Variants in KLK12 observed in about 807,000 individuals in gnomAD.
The protein encoded by KLK12 is kallikrein-12.
KLK12 carries 23 observed loss-of-function variants against 20.0 expected under a neutral mutation model. The observed-to-expected ratio is 1.15, with a 90% confidence interval of 0.83 to 1.63. The LOEUF (loss-of-function observed/expected upper bound fraction) is 1.63, where lower values mean the gene tolerates loss of function less well. Ranked by LOEUF, KLK12 falls within the 40% of genes most tolerant of loss-of-function variation. KLK12 has a pLI of 0.00. For synonymous variants in KLK12, 147 were observed against 141.9 expected, an observed-to-expected ratio of 1.04 and a Z score of -0.25; for missense variants, 351 against 338.6, an observed-to-expected ratio of 1.04 and a Z score of -0.29.
Position 51,034,023 on chromosome 19 carries a change from T to A in KLK12, c.154A>T (p.Ile52Phe), listed in dbSNP as rs1381506767. The change falls in exon 3 of 6, where the codon ATT becomes TTT. Residue 52 changes from isoleucine (I) to phenylalanine (F), a missense_variant. Physicochemically the swap from Ile to Phe is conservative, Grantham distance 21. Transcript: ENST00000684732. ...GTSLRCGGVL[I>F]DHRWVLTAAH... ...GCTGTGAGGACCCACCTGTGGTCAA[T>A]AAGGACACCCCCGCAGCGCAGGCTG... 2 of 1,609,952 alleles carry A rather than the reference T, an allele frequency of 1.2e-6. No individual in the cohort carries two copies. The highest frequency in any genetic ancestry group is 3.4e-5 in the Admixed American group (2 of 59,488).
In KLK12 at chr19:51,030,941, G is replaced by A. The variant is rs1342183698; in HGVS notation, c.458-20C>T. 2.5e-6 allele frequency: 4 copies of A among 1,613,844 alleles called. No homozygotes were observed. The highest frequency in any genetic ancestry group is 3.4e-6 in the Non-Finnish European group (4 of 1,179,956). On this transcript the variant is annotated intron_variant, in intron 4 of 5. Coordinates refer to ENST00000684732, the MANE Select transcript of KLK12 (RefSeq NM_001370125.1). ...ATGGGTCTGGAGAGAGAACATGCGT[G>A]CTGCAGGGTCCCCTAAATCTCCCCA...
rs940515025 is a variant in KLK12 at position 51,032,064 on chromosome 19, C to T, written c.269G>A (p.Gly90Asp). The change falls in exon 4 of 6, where the codon GGC becomes GAC. Residue 90 changes from glycine to aspartate, a missense_variant. Coordinates refer to ENST00000684732, the MANE Select transcript of KLK12 (RefSeq NM_001370125.1). ...GTAGCCGGGATGGGTCACAGAGAAG[C>T]CGCTGTGCCGGATCTGCTCGGTCCA... ...LDWTEQIRHSGFSVTHPGYLG... is the reference protein window; with the variant it reads ...LDWTEQIRHSDFSVTHPGYLG... The T allele has an allele frequency of 1.2e-6, 2 of 1,604,088 alleles. No homozygotes were observed. The highest frequency in any genetic ancestry group is 1.7e-6 in the Non-Finnish European group (2 of 1,177,240).
chr19:51,029,778 C>A (rs578141559), intron 5 of KLK12, among the ~76,000 whole-genome samples: 1 of 151,432 alleles, frequency 6.6e-6, no homozygotes, highest in South Asian at 2.1e-4. Flanking sequence ...GCTGTCAAGA[C>A]AACATAAAGA....
intron 5 of KLK12, among the ~76,000 whole-genome samples, 195 bp from the exon 6 acceptor site, chr19:51,029,652 T>C (rs1007714763): frequency 2.0e-5 from 3 of 152,228 alleles, no homozygotes; most frequent in African/African-American, 7.2e-5. Context: ...TAGGGGCCAA[T>C]CCCAGGGAAG....
Position 51,034,660 on chromosome 19 carries a change from T to C in KLK12, c.-19-20A>G, listed in dbSNP as rs942535597. 2.5e-6 allele frequency: 4 copies of C among 1,599,436 alleles called. No homozygotes were observed. Among genetic ancestry groups the C allele is most frequent in the Non-Finnish European group, 3.4e-6 (4 of 1,172,516 alleles). On this transcript the variant is annotated intron_variant, in intron 1 of 5. Coordinates refer to ENST00000684732, the MANE Select transcript of KLK12 (RefSeq NM_001370125.1). The stretch of plus-strand genomic sequence containing the variant: ...CAAAGTCTGGGGGAAAAGGGGAATC[T>C]CAGAGGTCACCCTTTCCCTGTGCCC...
At chr19:51,029,512 C>T (rs2091530467) in intron 5 of KLK12, 55 bp from the exon 6 acceptor site, 1 of 1,436,134 alleles carries the variant, frequency 7.0e-7, no homozygotes, top group East Asian at 2.3e-5. Flanking sequence ...TTTCTGTTTT[C>T]CTCCCCAACC....
At chr19:51,030,223 T>TTCC (rs1039293232) in intron 5 of KLK12, 3 of 98,524 alleles carry the variant, frequency 3.0e-5, no homozygotes, top group African/African-American at 1.1e-4. Flanking sequence ...CTCTGTTCCC[T>TTCC]TCCTCCCTCT....
chr19:51,034,601 CA>C lies in KLK12; in HGVS notation c.20del (p.Leu7CysfsTer87). On this transcript the variant is annotated frameshift_variant, in exon 2 of 6. Coordinates refer to ENST00000684732, the MANE Select transcript of KLK12 (RefSeq NM_001370125.1). LOFTEE classifies it high-confidence loss of function. MGLSIFLLLCVLGLSQA... is the reference protein window; with the variant it reads MGLSIFXLLCVLGLSQA... ...AGAACTCACCAAGAACACACAGGAG[CA>C]AAAAGATGCTGAGCCCCATGGTGGG... 1 of 1,611,698 alleles carries C rather than the reference CA, an allele frequency of 6.2e-7. No individual in the cohort carries two copies. Among genetic ancestry groups the C allele is most frequent in the Non-Finnish European group, 8.5e-7 (1 of 1,179,126 alleles).
intron 3 of KLK12, among the ~76,000 whole-genome samples, chr19:51,032,630 G>A (rs564693789): frequency 6.6e-5 from 10 of 151,764 alleles, no homozygotes; most frequent in Non-Finnish European, 8.8e-5. Context: ...CAAGTGATCC[G>A]CCCGCCTCGG....
At chr19:51,032,171 G>T (rs1045057025) in intron 3 of KLK12, 36 bp from the exon 4 acceptor site, 10 of 1,562,770 alleles carry the variant, frequency 6.4e-6, no homozygotes, top group African/African-American at 1.4e-5. Flanking sequence ...TGGCAGGCAC[G>T]CAGTCCCCCA....
chr19:51,034,980 T>C lies in KLK12; in HGVS notation c.-194A>G. 8.6e-7 allele frequency: 1 copy of C among 1,169,418 alleles called. No homozygotes were observed. The highest frequency in any genetic ancestry group is 1.1e-6 in the Non-Finnish European group (1 of 939,268). The allele number at this position is 1,169,418 out of a possible 1,614,324, so 72.4% of individuals were successfully genotyped here. On this transcript the variant is annotated 5_prime_UTR_variant, in exon 1 of 6. Transcript: ENST00000684732. ...GCCACCTGTCATGTTGCTCAACCGG[T>C]CCCTTTCCTTCCATCTGTCGCTCCA...
chr19:51,029,325 G>A lies in KLK12; in HGVS notation c.724C>T (p.Arg242Trp), dbSNP rs201481008. 49 of 1,613,914 alleles carry A rather than the reference G, an allele frequency of 3.0e-5. No homozygotes were observed. The Middle Eastern group carries it at 1.3e-3, about 43-fold the overall frequency. The change falls in exon 6 of 6, where the codon CGG (arginine) becomes TGG (tryptophan). Residue 242 changes from arginine (R) to tryptophan (W), a missense_variant. Arg to Trp is a moderately radical substitution (Grantham distance 101, BLOSUM62 -3). Coordinates refer to ENST00000684732, the MANE Select transcript of KLK12 (RefSeq NM_001370125.1). ...TYICKYVDWI[R>W]MIMRNN ...GGTCAGTTGTTCCTCATGATCATCCGGATCCAGTCCACATACTTGCAAATA... is the reference window on the plus strand; with the variant it reads ...GGTCAGTTGTTCCTCATGATCATCCAGATCCAGTCCACATACTTGCAAATA...
At chr19:51,033,484 CG>C (rs976800532) in intron 3 of KLK12, among the ~76,000 whole-genome samples, 3 of 152,088 alleles carry the variant, frequency 2.0e-5, no homozygotes, top group African/African-American at 7.2e-5. Flanking sequence ...GGCATGGTGG[CG>C]GGTGCCTGTA....
Position 51,031,554 on chromosome 19 carries a change from A to G in KLK12, c.457+322T>C, listed in dbSNP as rs563441519. Reference sequence around the variant, plus strand: ...GACCTTAATTCTACGGTGACCTCTAACCCCAGACCCATGACCCACAATGCC... The same window carrying G: ...GACCTTAATTCTACGGTGACCTCTAGCCCCAGACCCATGACCCACAATGCC... On this transcript the variant is annotated intron_variant, in intron 4 of 5. Transcript: ENST00000684732. Among the ~76,000 whole-genome samples, 23 of 144,492 alleles carry G rather than the reference A, an allele frequency of 1.6e-4. No homozygotes were observed. The South Asian group carries it at 4.9e-3, about 31-fold the overall frequency. The allele number at this position is 144,492 out of a possible 152,430, so 94.8% of individuals were successfully genotyped here.
chr19:51,034,451 AC>A (rs2091592129), intron 2 of KLK12, 133 bp downstream of exon 2: 2 of 1,499,358 alleles, frequency 1.3e-6, no homozygotes, highest in African/African-American at 2.8e-5. Flanking sequence ...AAATGGAGGC[AC>A]AGAGAAAGCC....
In KLK12 at chr19:51,032,639, G is replaced by A. The variant is rs375679744; in HGVS notation, c.198-504C>T. Among the ~76,000 whole-genome samples, 252 of 151,780 alleles carry A rather than the reference G, an allele frequency of 1.7e-3. 5 individuals carry two copies. The East Asian group carries it at 0.039, about 23-fold the overall frequency. On this transcript the variant is annotated intron_variant, in intron 3 of 5. Transcript: ENST00000684732. ...TGACCTCAAGTGATCCGCCCGCCTCGGCCTCCCAAAGTGCTGGGATTACAG... is the reference window on the plus strand; with the variant it reads ...TGACCTCAAGTGATCCGCCCGCCTCAGCCTCCCAAAGTGCTGGGATTACAG...
intron 4 of KLK12, 176 bp downstream of exon 4, chr19:51,031,700 G>C: frequency 1.3e-6 from 1 of 774,650 alleles, no homozygotes; most frequent in Non-Finnish European, 2.2e-6. Flanking sequence ...AACCCCTTTG[G>C]CTCCCAAGAC....
chr19:51,031,841 T>A, intron 4 of KLK12, 35 bp downstream of exon 4: 1 of 1,610,482 alleles, frequency 6.2e-7, no homozygotes, highest in Non-Finnish European at 8.5e-7. Flanking sequence ...CTTGTACCCA[T>A]CCTGACCCCT....
Position 51,029,426 on chromosome 19 carries a change from C to G in KLK12, c.623G>C (p.Gly208Ala), listed in dbSNP as rs1344119462. Residue 208 changes from glycine to alanine, a missense_variant, in exon 6 of 6, where the codon GGA (glycine) becomes GCA (alanine). Gly to Ala is a moderately conservative substitution (Grantham distance 60). Coordinates refer to ENST00000684732, the MANE Select transcript of KLK12 (RefSeq NM_001370125.1). ...GDSGGPLVCG[G>A]VLQGLVSWGS... ...CCAGGACACCAGACCTTGAAGGACT[C>G]CCCCACACACCAGGGGGCCCCCAGA... 1 of 1,613,374 alleles carries G rather than the reference C, an allele frequency of 6.2e-7. No individual in the cohort carries two copies. Among genetic ancestry groups the G allele is most frequent in the Admixed American group, 1.7e-5 (1 of 60,016 alleles).
Sources: allele counts gnomAD v4.1 joint callset (sites outside exome capture counted in the v4.1 genomes callset), GRCh38; gene constraint gnomAD v4.1.1; transcripts MANE v1.5; gene names NCBI Gene and HGNC (gene_info 2026-07-23, HGNC 2026-07-21).